TACR2: variants seen among roughly 807,000 people sequenced by gnomAD.
TACR2 encodes tachykinin receptor 2.
TACR2 carries 24 observed loss-of-function variants against 28.9 expected under a neutral mutation model. The ratio of observed to expected loss-of-function variants is 0.83; its 90% CI spans 0.60 to 1.17. The LOEUF is 1.17. Ranked by LOEUF, TACR2 falls within the 50% of genes most tolerant of loss-of-function variation. The pLI is 0.00. For synonymous variants in TACR2, 222 were observed against 212.6 expected, an observed-to-expected ratio of 1.04 and a Z score of -0.38; for missense variants, 487 against 524.4, an observed-to-expected ratio of 0.93 and a Z score of 0.70.
At position 69,404,897 on chromosome 10, in the gene TACR2, G is replaced by A. The variant is rs147978781; in HGVS notation, c.1126C>T (p.Pro376Ser). Residue 376 changes from proline to serine, a missense_variant, in exon 5 of 5, where the codon CCC becomes TCC. Pro to Ser is a moderately conservative substitution (Grantham distance 74, BLOSUM62 -1). Transcript: ENST00000373306. ...SEATSGEAGR[P>S]QDGSGLWFGY... Reference sequence around the variant, plus strand: ...AACCATAGCCCTGATCCATCCTGGGGACGCCCCGCCTCCCCACTGGTAGCC... The same window carrying A: ...AACCATAGCCCTGATCCATCCTGGGAACGCCCCGCCTCCCCACTGGTAGCC... 29 of 1,613,632 alleles carry A rather than the reference G, an allele frequency of 1.8e-5. No homozygotes were observed. The highest frequency in any genetic ancestry group is 1.9e-5 in the Non-Finnish European group (23 of 1,179,772).
chr10:69,409,903 AC>A (rs1198422630), intron 2 of TACR2, among the ~76,000 whole-genome samples: 2 of 11,392 alleles, frequency 1.8e-4, no homozygotes, highest in African/African-American at 1.0e-3. Flanking sequence ...ATATATATAT[AC>A]ATATATATAT....
At chr10:69,414,880 T>TAC (rs150956058) in intron 2 of TACR2, 65 bp downstream of exon 2, 191 of 1,499,326 alleles carry the variant, frequency 1.3e-4, no homozygotes, top group African/African-American at 3.7e-4. Flanking sequence ...CACGCGTGTG[T>TAC]ACACACACAC....
chr10:69,410,051 C>T (rs958907981), intron 2 of TACR2, among the ~76,000 whole-genome samples: 1 of 151,462 alleles, frequency 6.6e-6, no homozygotes, highest in Non-Finnish European at 1.5e-5. Context: ...ATATCACATG[C>T]TGCTGTGTCA....
rs760831618 is a variant in TACR2 at position 69,409,013 on chromosome 10, T to C, written c.650A>G (p.Tyr217Cys). 6.2e-7 allele frequency: 1 copy of C among 1,608,220 alleles called. No homozygotes were observed. Among genetic ancestry groups the C allele is most frequent in the Non-Finnish European group, 8.5e-7 (1 of 1,178,534 alleles). The change falls in exon 3 of 5, where the codon TAC becomes TGC. Residue 217 changes from tyrosine (Y) to cysteine (C), a missense_variant. Transcript: ENST00000373306. ...FLPLAVMFVA[Y>C]SVIGLTLWRR... is the part of the protein sequence containing the mutation. ...CCAGAGCGTGAGGCCGATGACGCTG[T>C]AGGCTACAAACATCACCGCGAGCGG...
chr10:69,408,700 A>C (rs1840527428), intron 3 of TACR2, among the ~76,000 whole-genome samples: 1 of 152,164 alleles, frequency 6.6e-6, no homozygotes, highest in Non-Finnish European at 1.5e-5. Context: ...CTTCGCGCGA[A>C]GGCAGCTTCC....
chr10:69,413,742 C>T (rs766077028), intron 2 of TACR2, among the ~76,000 whole-genome samples: 1 of 152,172 alleles, frequency 6.6e-6, no homozygotes, highest in Non-Finnish European at 1.5e-5. Context: ...ACCTGGCAGC[C>T]CTCACCTCAG....
At position 69,405,786 on chromosome 10, in the gene TACR2, C is replaced by T. The variant is rs967125277; in HGVS notation, c.939-702G>A. ...CCTTGGGTAGCAGGAGAGTGATCAA[C>T]CCACAGACACAGTGGGCTGGTGGCC... On this transcript the variant is annotated intron_variant, in intron 4 of 4. Coordinates refer to ENST00000373306, the MANE Select transcript of TACR2 (RefSeq NM_001057.3). Among the ~76,000 whole-genome samples the T allele has an allele frequency of 7.9e-5, 12 of 152,178 alleles. No homozygotes were observed. The East Asian group carries it at 2.3e-3, about 29-fold the overall frequency.
At chr10:69,415,907 C>T (rs1441668598) in intron 1 of TACR2, 25 bp downstream of exon 1, 1 of 1,605,694 alleles carries the variant, frequency 6.2e-7, no homozygotes, top group Middle Eastern at 1.7e-4. Context: ...GAGGCTCCCC[C>T]CAGCTTCCCC....
In TACR2 at chr10:69,405,054, GCGGAAGGCAAGC is replaced by G; in HGVS notation, c.957_968del (p.Leu320_Arg323del). 6.2e-7 allele frequency: 1 copy of G among 1,613,934 alleles called. No individual in the cohort carries two copies. The highest frequency in any genetic ancestry group is 8.5e-7 in the Non-Finnish European group (1 of 1,179,884). ...TGGTGGGTGTGACCCATGGGCAGCA[GCGGAAGGCAAGC>G]CGGAATCCAGAGCGAAACCTGGGGG... On this transcript the variant is annotated inframe_deletion, in exon 5 of 5. Transcript: ENST00000373306.
intron 2 of TACR2, among the ~76,000 whole-genome samples, chr10:69,413,449 C>T (rs897849920): frequency 6.6e-6 from 1 of 152,174 alleles, no homozygotes; most frequent in Non-Finnish European, 1.5e-5. Flanking sequence ...CCCAAGTGGC[C>T]GGTCTCAATA....
rs758743006 is a variant in TACR2 at position 69,407,149 on chromosome 10, T to C, written c.873A>G (p.Ala291=). The change falls in exon 4 of 5, where the codon GCA becomes GCG. Residue 291 remains alanine (A), a synonymous_variant. Coordinates refer to ENST00000373306, the MANE Select transcript of TACR2 (RefSeq NM_001057.3). ...CHKFIQQVYL[A]LFWLAMSSTM... The stretch of plus-strand genomic sequence containing the variant: ...TAGAGCTCATGGCCAACCAGAAGAG[T>C]GCCAGGTAGACTTGCTGGATGAACT... The C allele has an allele frequency of 4.0e-5, 64 of 1,613,656 alleles. No individual in the cohort carries two copies. The highest frequency in any genetic ancestry group is 5.3e-5 in the Non-Finnish European group (63 of 1,179,934).
chr10:69,415,250 A>T, intron 1 of TACR2, 111 bp from the exon 2 acceptor site: 1 of 1,194,704 alleles, frequency 8.4e-7, no homozygotes, highest in African/African-American at 1.5e-5. Context: ...CATTCCCCGC[A>T]CTGCTGCCAT....
Position 69,416,192 on chromosome 10 carries a change from C to A in TACR2, c.132G>T (p.Val44=). 1 of 1,614,220 alleles carries A rather than the reference C, an allele frequency of 6.2e-7. No homozygotes were observed. The highest frequency in any genetic ancestry group is 8.5e-7 in the Non-Finnish European group (1 of 1,180,044). The change falls in exon 1 of 5, where the codon GTG becomes GTT. Residue 44 remains valine, a synonymous_variant. Coordinates refer to ENST00000373306, the MANE Select transcript of TACR2 (RefSeq NM_001057.3). ...TGGCATTACCCGTCACGGCCACCAGCACCAGGGCCAGGTAGGCTGTGGCCC... is the reference window on the plus strand; with the variant it reads ...TGGCATTACCCGTCACGGCCACCAGAACCAGGGCCAGGTAGGCTGTGGCCC... ...ALWATAYLAL[V]LVAVTGNAIV... is the part of the protein sequence containing the mutation.
Position 69,407,080 on chromosome 10 carries a change from T to TG in TACR2, c.938+3_938+4insC. ...CAGAGGGTGGGGCTGGAGTGGGGGC[T>TG]CACCTGTGGTTGAGACAGCAGTAGA... On this transcript the variant is annotated splice_donor_region_variant and intron_variant, in intron 4 of 4. Coordinates refer to ENST00000373306, the MANE Select transcript of TACR2 (RefSeq NM_001057.3). 6.2e-7 allele frequency: 1 copy of TG among 1,613,296 alleles called. No individual in the cohort carries two copies. Among genetic ancestry groups the TG allele is most frequent in the South Asian group, 1.1e-5 (1 of 90,988 alleles).
rs770537610 is a variant in TACR2, at chr10:69,415,972, A to G, written c.352T>C (p.Phe118Leu). 2.5e-6 allele frequency: 4 copies of G among 1,614,214 alleles called. No homozygotes were observed. Among genetic ancestry groups the G allele is most frequent in the Non-Finnish European group, 3.4e-6 (4 of 1,180,020 alleles). The change falls in exon 1 of 5, where the codon TTT becomes CTT. Residue 118 changes from phenylalanine (F) to leucine (L), a missense_variant. By Grantham distance (22) the Phe-to-Leu change is conservative (BLOSUM62 0). Transcript: ENST00000373306. ...FQNLFPITAM[F>L]VSIYSMTAIA... Reference sequence around the variant, plus strand: ...GCGGTCATGGAGTAGATGCTGACAAACATGGCTGTGATGGGGAAGAGGTTC... The same window carrying G: ...GCGGTCATGGAGTAGATGCTGACAAGCATGGCTGTGATGGGGAAGAGGTTC...
chr10:69,416,277 G>A lies in TACR2; in HGVS notation c.47C>T (p.Pro16Leu). 6.2e-7 allele frequency: 1 copy of A among 1,609,036 alleles called. No individual in the cohort carries two copies. The highest frequency in any genetic ancestry group is 8.5e-7 in the Non-Finnish European group (1 of 1,176,262). Residue 16 changes from proline to leucine, a missense_variant, in exon 1 of 5, where the codon CCT becomes CTT. Coordinates refer to ENST00000373306, the MANE Select transcript of TACR2 (RefSeq NM_001057.3). ...IVTEANISSGPESNTTGITAF... is the reference protein window; with the variant it reads ...IVTEANISSGLESNTTGITAF... Reference sequence around the variant, plus strand: ...TGTGATGCCCGTGGTGTTGCTCTCAGGGCCAGATGAGATATTGGCTTCAGT... The same window carrying A: ...TGTGATGCCCGTGGTGTTGCTCTCAAGGCCAGATGAGATATTGGCTTCAGT...
chr10:69,415,283 C>A, intron 1 of TACR2, 144 bp from the exon 2 acceptor site: 1 of 938,674 alleles, frequency 1.1e-6, no homozygotes, highest in Non-Finnish European at 1.5e-6. Context: ...TAGTATCAGC[C>A]GACCTGCAGA....
intron 1 of TACR2, 63 bp downstream of exon 1, chr10:69,415,869 A>T: frequency 6.4e-7 from 1 of 1,565,644 alleles, no homozygotes. Context: ...GCATGTCACC[A>T]CCCTTATCTG....
At chr10:69,412,269 TA>T (rs979851326) in intron 2 of TACR2, among the ~76,000 whole-genome samples, 1 of 152,192 alleles carries the variant, frequency 6.6e-6, no homozygotes, top group African/African-American at 2.4e-5. Context: ...ATGGCTCCAG[TA>T]AATCTCTCTC....
Sources: gnomAD v4.1 joint callset for allele counts (sites outside exome capture counted in the v4.1 genomes callset) on GRCh38, gnomAD v4.1.1 for gene constraint, MANE v1.5 for transcripts, NCBI Gene and HGNC (gene_info 2026-07-23, HGNC 2026-07-21) for gene names.